ADAM10: variants seen among roughly 807,000 people sequenced by gnomAD.
The protein encoded by ADAM10 is ADAM metallopeptidase domain 10.
In ADAM10, 17 loss-of-function variants were observed where a neutral mutation model predicts 90.1. That is an observed-to-expected ratio of 0.19 (90% CI 0.13 to 0.28). ADAM10 has a LOEUF of 0.28. ADAM10 is among the 10% of genes least tolerant of loss of function. The pLI, the probability that ADAM10 is intolerant of heterozygous loss-of-function variation, is 1.00. For missense variants in ADAM10, 610 were observed against 914.3 expected (o/e 0.67, Z 4.29); for synonymous variants, 310 against 298.6 (o/e 1.04, Z -0.40).
chr15:58,729,352 A>G (rs1899146993), intron 1 of ADAM10, among the ~76,000 whole-genome samples: 1 of 152,196 alleles, frequency 6.6e-6, no homozygotes, highest in Non-Finnish European at 1.5e-5. Context: ...CTAGCATTTT[A>G]CAATTTTCTG....
chr15:58,702,585 A>T (rs1310393359), intron 2 of ADAM10, among the ~76,000 whole-genome samples: 1 of 152,254 alleles, frequency 6.6e-6, no homozygotes, highest in African/African-American at 2.4e-5. Flanking sequence ...AACATGTACA[A>T]GTATTATGTA....
At chr15:58,744,393 T>C (rs1470447930) in intron 1 of ADAM10, among the ~76,000 whole-genome samples, 2 of 152,186 alleles carry the variant, frequency 1.3e-5, no homozygotes, top group Non-Finnish European at 2.9e-5. Flanking sequence ...TAAAACATAC[T>C]AGAAACAACC....
At chr15:58,686,132 A>C (rs1398287992) in intron 2 of ADAM10, among the ~76,000 whole-genome samples, 1 of 152,230 alleles carries the variant, frequency 6.6e-6, no homozygotes, top group Non-Finnish European at 1.5e-5. Context: ...GTGGCTCAAT[A>C]CTATCGTGGA....
At chr15:58,717,025 T>A (rs1368414086) in intron 2 of ADAM10, among the ~76,000 whole-genome samples, 1 of 152,048 alleles carries the variant, frequency 6.6e-6, no homozygotes. Flanking sequence ...GTTGAGAAGA[T>A]TAAACAAGAA....
intron 3 of ADAM10, 21 bp from the exon 4 acceptor site, chr15:58,679,303 T>C (rs759909931): frequency 1.9e-6 from 3 of 1,611,684 alleles, no homozygotes; most frequent in African/African-American, 2.7e-5. Flanking sequence ...AAGCAACAAA[T>C]TCTTGACAAT....
At chr15:58,616,076 G>C (rs1037333301) in intron 11 of ADAM10, among the ~76,000 whole-genome samples, 36 of 151,978 alleles carry the variant, frequency 2.4e-4, no homozygotes, top group African/African-American at 8.7e-4. Context: ...TTCAGCAAAG[G>C]GATATAACAA....
chr15:58,682,049 T>C (rs2140754801), intron 3 of ADAM10, 147 bp downstream of exon 3: 1 of 1,102,884 alleles, frequency 9.1e-7, no homozygotes, highest in African/African-American at 1.6e-5. Flanking sequence ...CATTACTTCA[T>C]TTCTCAAAGA....
At chr15:58,685,352 T>G (rs1435465369) in intron 2 of ADAM10, among the ~76,000 whole-genome samples, 1 of 150,746 alleles carries the variant, frequency 6.6e-6, no homozygotes, top group South Asian at 2.1e-4. Flanking sequence ...TCCCAGCTAC[T>G]TGGGAGGCTA....
At chr15:58,689,317 C>T (rs1897707589) in intron 2 of ADAM10, among the ~76,000 whole-genome samples, 1 of 152,034 alleles carries the variant, frequency 6.6e-6, no homozygotes, top group East Asian at 1.9e-4. Flanking sequence ...GAAAGCCTGT[C>T]TCTACTAAAA....
chr15:58,657,969 T>G (rs974133975), intron 5 of ADAM10, among the ~76,000 whole-genome samples: 1 of 151,930 alleles, frequency 6.6e-6, no homozygotes, highest in African/African-American at 2.4e-5. Flanking sequence ...ATTGTGGACA[T>G]TTTCTCAGTC....
At chr15:58,637,360 A>G (rs544725794) in intron 8 of ADAM10, among the ~76,000 whole-genome samples, 24 of 152,302 alleles carry the variant, frequency 1.6e-4, no homozygotes, top group African/African-American at 5.8e-4. Context: ...CAGTTAACTG[A>G]TAAGACCTAT....
intron 5 of ADAM10, among the ~76,000 whole-genome samples, chr15:58,658,327 G>A (rs560778623): frequency 8.5e-5 from 13 of 152,054 alleles, no homozygotes; most frequent in African/African-American, 3.1e-4. Flanking sequence ...CTGACCATGT[G>A]GACTCTCTAT....
chr15:58,737,253 G>C (rs552989222), intron 1 of ADAM10, among the ~76,000 whole-genome samples: 1 of 152,086 alleles, frequency 6.6e-6, no homozygotes, highest in Non-Finnish European at 1.5e-5. Flanking sequence ...CTCTAAAAAT[G>C]ATTACATATA....
Position 58,592,201 on chromosome 15 carries a change from T to C in ADAM10, c.*5346A>G, listed in dbSNP as rs1450137540. ...TTCCATTAGGAGGCACAAAATCTGA[T>C]TGCTCTCACTTTGTGAGGTTAGCAG... On this transcript the variant is annotated 3_prime_UTR_variant, in exon 16 of 16. Coordinates refer to ENST00000260408, the MANE Select transcript of ADAM10 (RefSeq NM_001110.4). 4 of 152,234 alleles carry C rather than the reference T, an allele frequency of 2.6e-5. No homozygotes were observed. Among genetic ancestry groups the C allele is most frequent in the Non-Finnish European group, 5.9e-5 (4 of 68,036 alleles). The allele number at this position is 152,234 out of a possible 1,614,324, so 9.4% of individuals were successfully genotyped here. A position where few individuals can be genotyped will look rare whatever the true frequency, so the allele number is the denominator to read the frequency against.
At chr15:58,666,390 A>T (rs1301368955) in intron 4 of ADAM10, among the ~76,000 whole-genome samples, 1 of 151,722 alleles carries the variant, frequency 6.6e-6, no homozygotes, top group East Asian at 2.0e-4. Context: ...TTCCAGTCTC[A>T]TTCAAAAGTC....
chr15:58,704,779 G>GT lies in ADAM10; in HGVS notation c.206+12797dup, dbSNP rs1466329542. 7.9e-5 allele frequency among the ~76,000 whole-genome samples: 12 copies of GT among 152,302 alleles called. 1 individual carries two copies. The highest frequency in any genetic ancestry group is 7.2e-4 in the Admixed American group (11 of 15,294). ...TATATTACTGCATCTTACCCTCAGA[G>GT]TAACAGTACAAAGGAGACACGATGA... is the stretch of plus-strand genomic sequence containing the variant. On this transcript the variant is annotated intron_variant, in intron 2 of 15. Coordinates refer to ENST00000260408, the MANE Select transcript of ADAM10 (RefSeq NM_001110.4).
At chr15:58,618,278 A>G (rs1292575873) in intron 11 of ADAM10, among the ~76,000 whole-genome samples, 1 of 152,202 alleles carries the variant, frequency 6.6e-6, no homozygotes, top group Non-Finnish European at 1.5e-5. Flanking sequence ...GGGAAAGGAC[A>G]GTCTCTTCAA....
chr15:58,626,380 C>T lies in ADAM10; in HGVS notation c.1360+1320G>A, dbSNP rs150865735. Among the ~76,000 whole-genome samples, 7 of 152,250 alleles carry T rather than the reference C, an allele frequency of 4.6e-5. No individual in the cohort carries two copies. In the South Asian group the frequency reaches 6.2e-4, roughly 14 times the overall value. ...GCTTATCTGGAAATCTTCCTGAATT[C>T]TTTCTCCTTTGCTGTCACATGTTTA... On this transcript the variant is annotated intron_variant, in intron 10 of 15. Coordinates refer to ENST00000260408, the MANE Select transcript of ADAM10 (RefSeq NM_001110.4).
chr15:58,676,813 T>C (rs1897311880), intron 4 of ADAM10, among the ~76,000 whole-genome samples: 1 of 151,776 alleles, frequency 6.6e-6, no homozygotes, highest in African/African-American at 2.4e-5. Context: ...CAAGGCTCTG[T>C]CTCCAAAAAA....
Sources: allele counts gnomAD v4.1 joint callset (sites outside exome capture counted in the v4.1 genomes callset), GRCh38; gene constraint gnomAD v4.1.1; transcripts MANE v1.5; gene names NCBI Gene and HGNC (gene_info 2026-07-23, HGNC 2026-07-21).